CASKIN1: variants seen among roughly 807,000 people sequenced by gnomAD.
CASKIN1 encodes CASK interacting protein 1, also known as caskin-1.
Under a neutral mutation model 117.5 loss-of-function variants are expected in CASKIN1, and 42 were observed. The ratio of observed to expected loss-of-function variants is 0.36; its 90% CI spans 0.28 to 0.46. CASKIN1 has a LOEUF of 0.46. Ranked by LOEUF, CASKIN1 falls within the 20% of genes least tolerant of loss-of-function variation. The pLI is 1.00. For synonymous variants in CASKIN1, 1,148 were observed against 961.7 expected (o/e 1.19, Z -3.59); for missense variants, 2,083 against 2,077.3 (o/e 1.00, Z -0.05).
intron 1 of CASKIN1, among the ~76,000 whole-genome samples, chr16:2,194,979 A>G (rs1343108069): frequency 1.3e-5 from 2 of 152,200 alleles, no homozygotes; most frequent in Non-Finnish European, 2.9e-5. Context: ...CCCATCCTAC[A>G]GACGAGGAGA....
chr16:2,180,812 C>T lies in CASKIN1; in HGVS notation c.2556G>A (p.Ala852=), dbSNP rs559567573. ...GEVGPAAPGP[A]PPPVPTAVPT... ...GCACAGCCGTCGGCACGGGTGGGGG[C>T]GCAGGCCCCGGGGCAGCCGGCCCCA... The change falls in exon 18 of 20, where the codon GCG becomes GCA. Residue 852 remains alanine (A), a synonymous_variant. Transcript: ENST00000343516. The T allele has an allele frequency of 3.6e-6, 5 of 1,395,118 alleles. No homozygotes were observed. Among genetic ancestry groups the T allele is most frequent in the Admixed American group, 3.5e-5 (1 of 28,574 alleles). The allele number at this position is 1,395,118 out of a possible 1,614,324, so 86.4% of individuals were successfully genotyped here.
intron 6 of CASKIN1, among the ~76,000 whole-genome samples, chr16:2,188,517 G>A (rs2093191535): frequency 6.6e-6 from 1 of 151,338 alleles, no homozygotes; most frequent in South Asian, 2.1e-4. Context: ...CACCCGGCTA[G>A]TTTTTGTATT....
intron 6 of CASKIN1, 24 bp from the exon 7 acceptor site, chr16:2,187,485 G>A: frequency 6.3e-7 from 1 of 1,590,118 alleles, no homozygotes; most frequent in Non-Finnish European, 8.5e-7. Flanking sequence ...AAGGTGGACA[G>A]GCGGGGCCTT....
intron 1 of CASKIN1, among the ~76,000 whole-genome samples, chr16:2,190,847 C>A (rs566831548): frequency 6.6e-6 from 1 of 152,308 alleles, no homozygotes. Flanking sequence ...GCGTCTCCAC[C>A]GTGCAGCACC....
intron 1 of CASKIN1, among the ~76,000 whole-genome samples, chr16:2,192,742 G>A (rs1326361657): frequency 1.3e-5 from 2 of 152,086 alleles, no homozygotes; most frequent in African/African-American, 2.4e-5. Flanking sequence ...CACCAGCCAC[G>A]TCAACCTCCT....
intron 1 of CASKIN1, among the ~76,000 whole-genome samples, chr16:2,193,971 G>A (rs547178248): frequency 4.6e-5 from 7 of 152,256 alleles, no homozygotes; most frequent in East Asian, 3.9e-4. Flanking sequence ...GGAGGGGGCC[G>A]GGGCCAGGAT....
rs894577193 is a variant in CASKIN1 at position 2,195,033 on chromosome 16, G to A, written c.94+1306C>T. Among the ~76,000 whole-genome samples the A allele has an allele frequency of 1.2e-4, 18 of 152,190 alleles. 1 individual carries two copies. The highest frequency in any genetic ancestry group is 5.9e-4 in the Admixed American group (9 of 15,282). On this transcript the variant is annotated intron_variant, in intron 1 of 19. Coordinates refer to ENST00000343516, the MANE Select transcript of CASKIN1 (RefSeq NM_020764.4). The stretch of plus-strand genomic sequence containing the variant: ...GAGTTGTCTGTGTCCAAGGTCATGC[G>A]GCCACTAGGTGGAAACCTTTACCTT...
At chr16:2,195,407 C>A (rs2093212824) in intron 1 of CASKIN1, among the ~76,000 whole-genome samples, 1 of 152,200 alleles carries the variant, frequency 6.6e-6, no homozygotes, top group Non-Finnish European at 1.5e-5. Flanking sequence ...CACGTGCCGA[C>A]CTGCAGAGCC....
At position 2,196,500 on chromosome 16, in the gene CASKIN1, C is replaced by T. The variant is rs1195284350; in HGVS notation, c.-68G>A. On this transcript the variant is annotated 5_prime_UTR_variant, in exon 1 of 20. Coordinates refer to ENST00000343516, the MANE Select transcript of CASKIN1 (RefSeq NM_020764.4). The surrounding 1 kb of genome is among the most constrained non-coding windows in gnomAD (Gnocchi z 5.7). ...CGGCGCGGCTCAGAGGCGGCGGCGGCCCCGCGGCACCGGCCGCCTCCCCCG... is the reference window on the plus strand; with the variant it reads ...CGGCGCGGCTCAGAGGCGGCGGCGGTCCCGCGGCACCGGCCGCCTCCCCCG... The T allele has an allele frequency of 2.5e-5, 19 of 747,002 alleles. No individual in the cohort carries two copies. The highest frequency in any genetic ancestry group is 5.9e-5 in the South Asian group (1 of 16,988). The allele number at this position is 747,002 out of a possible 1,614,324, so 46.3% of individuals were successfully genotyped here.
In CASKIN1 at chr16:2,189,143, G is replaced by A. The variant is rs371811072; in HGVS notation, c.501C>T (p.Leu167=). 1.1e-5 allele frequency: 17 copies of A among 1,613,014 alleles called. No individual in the cohort carries two copies. Among genetic ancestry groups the A allele is most frequent in the East Asian group, 6.7e-5 (3 of 44,864 alleles). Residue 167 remains leucine (L), a synonymous_variant, in exon 6 of 20, where the codon CTC becomes CTT. Coordinates refer to ENST00000343516, the MANE Select transcript of CASKIN1 (RefSeq NM_020764.4). ...GCGCCGCACACATATTGCTGCTGAG[G>A]AGCAGCTGGACCACCTTGAAGGAGG... is the stretch of plus-strand genomic sequence containing the variant. ...EFGRVGVVQL[L]LSSNMCAALL...
chr16:2,180,492 C>G lies in CASKIN1; in HGVS notation c.2876G>C (p.Ser959Thr). 4 of 1,549,830 alleles carry G rather than the reference C, an allele frequency of 2.6e-6. No homozygotes were observed. The highest frequency in any genetic ancestry group is 3.5e-6 in the Non-Finnish European group (4 of 1,153,834). Reference sequence around the variant, plus strand: ...CACCGGCTCATCCGCCAGGTTGGCACTAGCCAGGGCCGAGCTGGAGCGCTT... The same window carrying G: ...CACCGGCTCATCCGCCAGGTTGGCAGTAGCCAGGGCCGAGCTGGAGCGCTT... ...PPKRSSSALA[S>T]ANLADEPVPD... The change falls in exon 18 of 20, where the codon AGT becomes ACT. Residue 959 changes from serine to threonine, a missense_variant. Ser to Thr is a moderately conservative substitution (Grantham distance 58). Coordinates refer to ENST00000343516, the MANE Select transcript of CASKIN1 (RefSeq NM_020764.4).
rs374094027 is a variant in CASKIN1 at position 2,186,769 on chromosome 16, G to T, written c.986C>A (p.Thr329Lys). 3.7e-6 allele frequency: 6 copies of T among 1,613,014 alleles called. No homozygotes were observed. The Admixed American group carries it at 6.7e-5, about 18-fold the overall frequency. ...GAAGTAGCCCACCCGGTCATTGCCC[G>T]TCCGGTTGTCATGGATGCAGCCCTT... is the stretch of plus-strand genomic sequence containing the variant. ...RWKGCIHDNRTGNDRVGYFPS... is the reference protein window; with the variant it reads ...RWKGCIHDNRKGNDRVGYFPS... Residue 329 changes from threonine to lysine, a missense_variant, in exon 10 of 20, where the codon ACG becomes AAG. Thr to Lys is a moderately conservative substitution (Grantham distance 78, BLOSUM62 -1). Coordinates refer to ENST00000343516, the MANE Select transcript of CASKIN1 (RefSeq NM_020764.4).
chr16:2,192,831 G>C (rs1454183514), intron 1 of CASKIN1, among the ~76,000 whole-genome samples: 2 of 152,098 alleles, frequency 1.3e-5, no homozygotes, highest in African/African-American at 4.8e-5. Flanking sequence ...TTCTGCTCAC[G>C]GAGGAATCCT....
At chr16:2,194,179 CCTCGGTG>C (rs2093209053) in intron 1 of CASKIN1, among the ~76,000 whole-genome samples, 2 of 152,246 alleles carry the variant, frequency 1.3e-5, no homozygotes, top group South Asian at 4.1e-4. Context: ...GGGAGCTGGC[CCTCGGTG>C]CTCAGGGGTG....
In CASKIN1 at chr16:2,181,043, C is replaced by A; in HGVS notation, c.2325G>T (p.Thr775=). Reference sequence around the variant, plus strand: ...GGGTTTTGGTGGGCGTCTGGGGGGGCGTGAAGTGGCTAGTGCCTGGTGGGA... The same window carrying A: ...GGGTTTTGGTGGGCGTCTGGGGGGGAGTGAAGTGGCTAGTGCCTGGTGGGA... ...QVLPPGTSHF[T]PPQTPTKTRP... The change falls in exon 18 of 20, where the codon ACG becomes ACT. Residue 775 remains threonine (T), a synonymous_variant. Transcript: ENST00000343516. The A allele has an allele frequency of 1.3e-6, 2 of 1,487,018 alleles. No individual in the cohort carries two copies. The highest frequency in any genetic ancestry group is 1.8e-6 in the Non-Finnish European group (2 of 1,123,414). 92.1% of individuals were successfully genotyped at this position (1,487,018 alleles called of 1,614,324 possible).
In CASKIN1 at chr16:2,196,265, C is replaced by G. The variant is rs2093215693; in HGVS notation, c.94+74G>C. The G allele has an allele frequency of 1.2e-5, 7 of 589,286 alleles. No individual in the cohort carries two copies. Among genetic ancestry groups the G allele is most frequent in the Non-Finnish European group, 1.6e-5 (7 of 436,600 alleles). 36.5% of individuals were successfully genotyped at this position (589,286 alleles called of 1,614,324 possible). A position where few individuals can be genotyped will look rare whatever the true frequency, so the allele number is the denominator to read the frequency against. On this transcript the variant is annotated intron_variant, in intron 1 of 19. Transcript: ENST00000343516. The surrounding 1 kb of genome is among the most constrained non-coding windows in gnomAD (Gnocchi z 5.7). ...CCGACAACGTCCCCTCCCCGCCCGG[C>G]GCCGGGTGGGGGGCTCCGCGCCGGG...
chr16:2,184,432 C>T (rs2093177501), intron 14 of CASKIN1, among the ~76,000 whole-genome samples: 1 of 152,156 alleles, frequency 6.6e-6, no homozygotes, highest in Non-Finnish European at 1.5e-5. Context: ...TGCACTCACA[C>T]ACCATACGCC....
rs1216964170 is a variant in CASKIN1 at position 2,180,411 on chromosome 16, G to C, written c.2957C>G (p.Ala986Gly). 1 of 1,574,590 alleles carries C rather than the reference G, an allele frequency of 6.4e-7. No individual in the cohort carries two copies. ...GTCCACGCTGCCGGCCAGGTCACTG[G>C]CCCGCCGGCACTGTGCCCGGACCCC... The part of the protein sequence containing the change: ...LLGVRAQCRR[A>G]SDLAGSVDTG... The change falls in exon 18 of 20, where the codon GCC becomes GGC. Residue 986 changes from alanine (A) to glycine (G), a missense_variant. This residue lies in a region of CASKIN1 where 1,818 missense variants were observed against 1,688.9 expected (regional missense o/e 1.08). Coordinates refer to ENST00000343516, the MANE Select transcript of CASKIN1 (RefSeq NM_020764.4).
In CASKIN1 at chr16:2,178,516, C is replaced by A. The variant is rs974291616; in HGVS notation, c.*34G>T. 1 of 1,521,844 alleles carries A rather than the reference C, an allele frequency of 6.6e-7. No individual in the cohort carries two copies. The highest frequency in any genetic ancestry group is 1.9e-5 in the Admixed American group (1 of 52,486). The allele number at this position is 1,521,844 out of a possible 1,614,324, so 94.3% of individuals were successfully genotyped here. A position where few individuals can be genotyped will look rare whatever the true frequency, so the allele number is the denominator to read the frequency against. The stretch of plus-strand genomic sequence containing the variant: ...GTATAGGTCAGTGTGCGGGGAGGGC[C>A]CGGGCGGCGCGGGAGGGCCCGGCCA... On this transcript the variant is annotated 3_prime_UTR_variant, in exon 20 of 20. Transcript: ENST00000343516.
Sources: gnomAD v4.1 joint callset for allele counts (sites outside exome capture counted in the v4.1 genomes callset) on GRCh38, gnomAD v4.1.1 for gene constraint, gnomAD v4.1.1 regional missense constraint, Gnocchi (gnomAD v3.1) non-coding constraint, MANE v1.5 for transcripts, NCBI Gene and HGNC (gene_info 2026-07-23, HGNC 2026-07-21) for gene names.